Variants in IQSEC1 observed in about 807,000 individuals in gnomAD.
IQSEC1 encodes IQ motif and SEC7 domain-containing protein 1.
IQSEC1 carries 31 observed loss-of-function variants against 91.0 expected under a neutral mutation model. That is an observed-to-expected ratio of 0.34 (90% CI 0.26 to 0.46). IQSEC1 has a LOEUF of 0.46. Ranked by LOEUF, IQSEC1 falls within the 20% of genes least tolerant of loss-of-function variation. IQSEC1 has a pLI of 1.00. For synonymous variants in IQSEC1, 699 were observed against 662.6 expected (o/e 1.05, Z -0.84); for missense variants, 1,388 against 1,575.6 (o/e 0.88, Z 2.02).
At chr3:12,916,320 G>A (rs570544690) in intron 6 of IQSEC1, among the ~76,000 whole-genome samples, 174 of 152,312 alleles carry the variant, frequency 1.1e-3, no homozygotes, top group African/African-American at 4.0e-3. Context: ...GTGCTGCAGT[G>A]GTTGCTGTTG....
chr3:13,228,983 G>A (rs556459814), intron 1 of IQSEC1, among the ~76,000 whole-genome samples: 8 of 152,250 alleles, frequency 5.3e-5, no homozygotes, highest in Middle Eastern at 3.4e-3. Context: ...CCATCTGTCC[G>A]TCTCTCTTTT....
chr3:13,076,369 A>AGATCTATGCCCAGAACTGGGGAGGCGAT (rs1705561604), upstream of IQSEC1, among the ~76,000 whole-genome samples: 1 of 152,198 alleles, frequency 6.6e-6, no homozygotes, highest in East Asian at 1.9e-4. Flanking sequence ...GCCAAGGGGT[A>AGATCTATGCCCAGAACTGGGGAGGCGAT]AGTCCAGAAA....
chr3:13,206,425 C>T (rs1435141716), intron 1 of IQSEC1, among the ~76,000 whole-genome samples: 1 of 152,080 alleles, frequency 6.6e-6, no homozygotes, highest in Admixed American at 6.6e-5. Flanking sequence ...CAAAAGAACA[C>T]CACAATGAGA....
At chr3:13,003,164 G>T (rs1481095258) in intron 1 of IQSEC1, among the ~76,000 whole-genome samples, 1 of 150,376 alleles carries the variant, frequency 6.6e-6, no homozygotes, top group African/African-American at 2.4e-5. Context: ...AGGAATGAAA[G>T]ACCAGGCGCA....
chr3:13,032,964 G>A (rs181669583), intron 1 of IQSEC1, among the ~76,000 whole-genome samples: 1 of 152,338 alleles, frequency 6.6e-6, no homozygotes, highest in African/African-American at 2.4e-5. Flanking sequence ...CAGGGCACAC[G>A]AGGGCCTCGG....
chr3:13,166,236 C>G (rs751863770), intron 1 of IQSEC1, among the ~76,000 whole-genome samples: 1 of 152,250 alleles, frequency 6.6e-6, no homozygotes, highest in Non-Finnish European at 1.5e-5. Flanking sequence ...TCCTGCTCTG[C>G]GCCTCTATCC....
chr3:13,027,205 T>C (rs1703654678), intron 1 of IQSEC1, among the ~76,000 whole-genome samples: 1 of 152,162 alleles, frequency 6.6e-6, no homozygotes, highest in African/African-American at 2.4e-5. Flanking sequence ...CTGAGAGCGT[T>C]GGGTCTTGGA....
chr3:13,139,485 G>A (rs1212737120), intron 2 of IQSEC1, among the ~76,000 whole-genome samples: 2 of 152,212 alleles, frequency 1.3e-5, no homozygotes, highest in Non-Finnish European at 2.9e-5. Flanking sequence ...AGACCCCTGA[G>A]GGGCCACAGT....
At chr3:12,965,068 T>A (rs1260970679) in intron 1 of IQSEC1, among the ~76,000 whole-genome samples, 1 of 152,168 alleles carries the variant, frequency 6.6e-6, no homozygotes, top group Non-Finnish European at 1.5e-5. Flanking sequence ...GAGGCCTCCA[T>A]CACAACATTG....
At chr3:13,150,680 C>T (rs1253621734) in intron 2 of IQSEC1, among the ~76,000 whole-genome samples, 1 of 152,188 alleles carries the variant, frequency 6.6e-6, no homozygotes. Flanking sequence ...GATCTCCTCA[C>T]AAGCACCTGG....
At chr3:13,233,787 C>T (rs924881703) in intron 1 of IQSEC1, among the ~76,000 whole-genome samples, 1 of 152,192 alleles carries the variant, frequency 6.6e-6, no homozygotes, top group African/African-American at 2.4e-5. Context: ...TGAGGGCTCC[C>T]GGCAGGCTCC....
chr3:13,112,613 C>T (rs908840490), intron 2 of IQSEC1, among the ~76,000 whole-genome samples: 1 of 152,256 alleles, frequency 6.6e-6, no homozygotes, highest in South Asian at 2.1e-4. Flanking sequence ...GAGCACCTGC[C>T]ATGGTGGATG....
At chr3:12,976,167 T>C (rs1701161371) in intron 1 of IQSEC1, among the ~76,000 whole-genome samples, 2 of 152,190 alleles carry the variant, frequency 1.3e-5, no homozygotes, top group Non-Finnish European at 2.9e-5. Flanking sequence ...TCCCAGAGTG[T>C]ACACCACTCC....
At position 13,224,134 on chromosome 3, in the gene IQSEC1, T is replaced by C. The variant is rs1261441713; in HGVS notation, c.272+58577A>G. Among the ~76,000 whole-genome samples the C allele has an allele frequency of 2.6e-5, 4 of 152,046 alleles. 1 individual carries two copies. Among genetic ancestry groups the C allele is most frequent in the African/African-American group, 7.2e-5 (3 of 41,396 alleles). On this transcript the variant is annotated intron_variant, in intron 1 of 15. Transcript: ENST00000648114. ...GCTTCAGTGGCAAAGGCAGGAAGAC[T>C]ACACAATCCAGGGCCGGTGCAGAGC...
In IQSEC1 at chr3:12,901,354, G is replaced by T; in HGVS notation, c.2974C>A (p.Leu992Met). ...ACCACCGGTGGGTGGGGGGGTGGCA[G>T]GGCTGGGGCTGAGGGCAGGTGGGCC... The part of the protein sequence containing the change: ...PQAHLPSAPA[L>M]PPPHPPVVLP... The change falls in exon 14 of 14, where the codon CTG becomes ATG. Residue 992 changes from leucine (L) to methionine (M), a missense_variant. By Grantham distance (15) the Leu-to-Met change is conservative. Transcript: ENST00000613206. 1 of 1,534,168 alleles carries T rather than the reference G, an allele frequency of 6.5e-7. No homozygotes were observed. The highest frequency in any genetic ancestry group is 8.8e-7 in the Non-Finnish European group (1 of 1,139,442).
At chr3:12,972,371 A>G (rs1403287237) in intron 1 of IQSEC1, among the ~76,000 whole-genome samples, 2 of 152,134 alleles carry the variant, frequency 1.3e-5, no homozygotes, top group African/African-American at 4.8e-5. Context: ...GACATCTTCT[A>G]GGAGGCTCTG....
chr3:12,915,059 A>G, intron 8 of IQSEC1, 45 bp downstream of exon 8: 3 of 1,575,294 alleles, frequency 1.9e-6, no homozygotes, highest in Admixed American at 1.8e-5. Flanking sequence ...GGGCCTCCCC[A>G]GGGCGGCGGG....
At chr3:12,965,335 A>T (rs1018747723) in intron 1 of IQSEC1, among the ~76,000 whole-genome samples, 1 of 152,208 alleles carries the variant, frequency 6.6e-6, no homozygotes, top group Non-Finnish European at 1.5e-5. Flanking sequence ...ACCGTGCTGC[A>T]TCCCATCCGG....
chr3:12,980,672 G>A (rs1033874177), intron 1 of IQSEC1, among the ~76,000 whole-genome samples: 1 of 152,194 alleles, frequency 6.6e-6, no homozygotes, highest in African/African-American at 2.4e-5. Flanking sequence ...TCAGGAGGGA[G>A]GGGCTGGGAT....
Sources: gnomAD v4.1 joint callset for allele counts (sites outside exome capture counted in the v4.1 genomes callset) on GRCh38, gnomAD v4.1.1 for gene constraint, MANE v1.5 for transcripts, NCBI Gene and HGNC (gene_info 2026-07-23, HGNC 2026-07-21) for gene names.